Variants in IL1R1 observed in about 807,000 individuals in gnomAD.
IL1R1 encodes interleukin 1 receptor type 1.
A neutral mutation model predicts 50.2 loss-of-function variants in IL1R1; 22 were observed. That is an observed-to-expected ratio of 0.44 (90% CI 0.31 to 0.63). IL1R1 has a LOEUF of 0.63. Among genes scored for constraint, IL1R1 ranks in the 20% least tolerant of loss-of-function variants. IL1R1 has a pLI of 0.07. For synonymous variants in IL1R1, 251 were observed against 236.7 expected (o/e 1.06, Z -0.55); for missense variants, 509 against 676.2 (o/e 0.75, Z 2.74).
chr2:102,103,940 G>A (rs538988248), upstream of IL1R1, among the ~76,000 whole-genome samples: 9 of 144,258 alleles, frequency 6.2e-5, no homozygotes, highest in East Asian at 2.1e-4. Flanking sequence ...GCTGTGAGCC[G>A]AGATTGTGAC....
chr2:102,096,875 C>CTT (rs11300476), intron 1 of IL1R1, among the ~76,000 whole-genome samples: 7 of 137,872 alleles, frequency 5.1e-5, no homozygotes, highest in South Asian at 2.3e-4. Context: ...TGAAGTGGAT[C>CTT]TTTTTTTTTT....
rs1686225361 is a variant in IL1R1 at position 102,177,245 on chromosome 2, A to G, written c.*486A>G. ...TGGGCCACTGCACTCTAGCCTGGCA[A>G]CAGAGCAAGACTCCGTCTCAAAAAA... is the stretch of plus-strand genomic sequence containing the variant. On this transcript the variant is annotated 3_prime_UTR_variant, in exon 12 of 12. Transcript: ENST00000410023. The G allele has an allele frequency of 6.2e-6, 1 of 162,142 alleles. No individual in the cohort carries two copies. The highest frequency in any genetic ancestry group is 2.4e-5 in the African/African-American group (1 of 41,584). 10.0% of individuals were successfully genotyped at this position (162,142 alleles called of 1,614,324 possible).
At chr2:102,110,036 G>A (rs1400508966) in intron 1 of IL1R1, among the ~76,000 whole-genome samples, 1 of 152,132 alleles carries the variant, frequency 6.6e-6, no homozygotes, top group Admixed American at 6.5e-5. Flanking sequence ...AATGACACAT[G>A]GTTTATTTGC....
At chr2:102,127,215 G>A (rs1478299190) in intron 1 of IL1R1, among the ~76,000 whole-genome samples, 2 of 152,202 alleles carry the variant, frequency 1.3e-5, no homozygotes, top group Non-Finnish European at 2.9e-5. Flanking sequence ...GCTTCAGAAG[G>A]ATCCAGGACA....
At chr2:102,172,262 C>A (rs1317991333) in intron 8 of IL1R1, 1 of 984,924 alleles carries the variant, frequency 1.0e-6, no homozygotes, top group Non-Finnish European at 1.2e-6. Flanking sequence ...ATCAGGCAAT[C>A]CACTGCTCTC....
chr2:102,090,077 G>T (rs1444429715), intron 1 of IL1R1, among the ~76,000 whole-genome samples: 1 of 151,124 alleles, frequency 6.6e-6, no homozygotes, highest in African/African-American at 2.4e-5. Context: ...CTCATGATCC[G>T]CCTGCCTCAG....
In IL1R1 at chr2:102,177,599, A is replaced by G. The variant is rs1335113464; in HGVS notation, c.*840A>G. 1 of 152,366 alleles carries G rather than the reference A, an allele frequency of 6.6e-6. No homozygotes were observed. Among genetic ancestry groups the G allele is most frequent in the African/African-American group, 2.4e-5 (1 of 41,470 alleles). 9.4% of individuals were successfully genotyped at this position (152,366 alleles called of 1,614,324 possible). ...GTGTCCGAAGACCGAATTTTATTTT[A>G]CAGAGCTTGAAAACTCACTTCAATG... is the stretch of plus-strand genomic sequence containing the variant. On this transcript the variant is annotated 3_prime_UTR_variant, in exon 12 of 12. Transcript: ENST00000410023.
chr2:102,076,946 T>C (rs1375211501), intron 1 of IL1R1, among the ~76,000 whole-genome samples: 1 of 152,212 alleles, frequency 6.6e-6, no homozygotes, highest in African/African-American at 2.4e-5. Context: ...TTGGATATTT[T>C]ACATTGTTCT....
intron 1 of IL1R1, among the ~76,000 whole-genome samples, chr2:102,078,504 T>C (rs931545318): frequency 2.0e-5 from 3 of 146,712 alleles, no homozygotes; most frequent in Admixed American, 1.4e-4. Context: ...CAAGAAGAAA[T>C]AGATAATCTG....
chr2:102,161,143 C>T (rs1684691898), intron 3 of IL1R1, among the ~76,000 whole-genome samples: 1 of 152,114 alleles, frequency 6.6e-6, no homozygotes, highest in African/African-American at 2.4e-5. Flanking sequence ...GTTATGTTTT[C>T]CTTATCATTC....
intron 1 of IL1R1, among the ~76,000 whole-genome samples, chr2:102,143,767 G>T (rs559362519): frequency 5.3e-5 from 8 of 152,316 alleles, no homozygotes; most frequent in African/African-American, 1.9e-4. Context: ...AAGGAAGGCC[G>T]CTGGGAAGGC....
At chr2:102,166,036 A>T in intron 5 of IL1R1, 77 bp from the exon 6 acceptor site, 1 of 1,269,814 alleles carries the variant, frequency 7.9e-7, no homozygotes, top group South Asian at 1.4e-5. Context: ...AGGTGAAAAA[A>T]ATGGAGCTCC....
intron 1 of IL1R1, among the ~76,000 whole-genome samples, chr2:102,071,201 A>G (rs1678702592): frequency 6.6e-6 from 1 of 152,198 alleles, no homozygotes; most frequent in Non-Finnish European, 1.5e-5. Flanking sequence ...TAAAACCTCA[A>G]AAAATCAGAA....
At chr2:102,117,902 AT>A (rs1168857829) in intron 1 of IL1R1, among the ~76,000 whole-genome samples, 2 of 150,598 alleles carry the variant, frequency 1.3e-5, no homozygotes, top group African/African-American at 4.9e-5. Context: ...GGTAAAGAAT[AT>A]GTTTGTAAAG....
chr2:102,135,598 T>G (rs369617258), intron 1 of IL1R1, among the ~76,000 whole-genome samples: 2 of 152,312 alleles, frequency 1.3e-5, no homozygotes, highest in South Asian at 2.1e-4. Context: ...ATCACCTGGT[T>G]GATCAAAAGG....
intron 9 of IL1R1, 54 bp downstream of exon 9, chr2:102,172,892 T>C: frequency 7.4e-7 from 1 of 1,343,348 alleles, no homozygotes; most frequent in Non-Finnish European, 1.0e-6. Flanking sequence ...TAAGATTCCA[T>C]GACTTTGAAG....
At chr2:102,133,289 C>G (rs530439551) in intron 1 of IL1R1, among the ~76,000 whole-genome samples, 1 of 151,472 alleles carries the variant, frequency 6.6e-6, no homozygotes. Context: ...ATTCCAGGCC[C>G]AGATAACACG....
rs1682765038 is a variant in IL1R1, at chr2:102,142,770, C to A, written c.-334C>A. The A allele has an allele frequency of 6.7e-6, 1 of 149,220 alleles. No homozygotes were observed. The highest frequency in any genetic ancestry group is 1.5e-5 in the Non-Finnish European group (1 of 67,188). 9.2% of individuals were successfully genotyped at this position (149,220 alleles called of 1,614,324 possible). A position where few individuals can be genotyped will look rare whatever the true frequency, so the allele number is the denominator to read the frequency against. ...CAGTTCCCGGCCGCGAGGGCGGGCGCAGCTTGTGGCCGGCGGCCGGAGCCG... is the reference window on the plus strand; with the variant it reads ...CAGTTCCCGGCCGCGAGGGCGGGCGAAGCTTGTGGCCGGCGGCCGGAGCCG... On this transcript the variant is annotated 5_prime_UTR_variant, in exon 1 of 12. Transcript: ENST00000410023.
intron 1 of IL1R1, among the ~76,000 whole-genome samples, chr2:102,079,020 G>A (rs1679098315): frequency 6.6e-6 from 1 of 152,010 alleles, no homozygotes; most frequent in Admixed American, 6.6e-5. Flanking sequence ...CAGACAAAAT[G>A]TCTGATAAAA....
Sources: allele counts gnomAD v4.1 joint callset (sites outside exome capture counted in the v4.1 genomes callset), GRCh38; gene constraint gnomAD v4.1.1; transcripts MANE v1.5; gene names NCBI Gene and HGNC (gene_info 2026-07-23, HGNC 2026-07-21).